Variants in LARP4 observed in about 807,000 individuals in gnomAD.
The protein encoded by LARP4 is la-related protein 4.
In LARP4, 29 loss-of-function variants were observed where a neutral mutation model predicts 92.9. That is an observed-to-expected ratio of 0.31 (90% CI 0.23 to 0.43). The LOEUF (loss-of-function observed/expected upper bound fraction) is 0.43, where lower values mean the gene tolerates loss of function less well. LARP4 is among the 20% of genes least tolerant of loss of function. LARP4 has a pLI of 1.00. For missense variants in LARP4, 732 were observed against 860.0 expected (o/e 0.85, Z 1.86); for synonymous variants, 279 against 284.1 (o/e 0.98, Z 0.18).
chr12:50,476,036 A>G lies in LARP4; in HGVS notation c.*172A>G, dbSNP rs1593521357. 2.0e-6 allele frequency: 1 copy of G among 504,994 alleles called. No individual in the cohort carries two copies. The highest frequency in any genetic ancestry group is 3.6e-6 in the Non-Finnish European group (1 of 281,050). 31.3% of individuals were successfully genotyped at this position (504,994 alleles called of 1,614,324 possible). A position where few individuals can be genotyped will look rare whatever the true frequency, so the allele number is the denominator to read the frequency against. ...TGATAGGATCCCAAAATTCATCTCT[A>G]ATGTGGTTTTTAAATGCTGGAGGAT... is the stretch of plus-strand genomic sequence containing the variant. On this transcript the variant is annotated 3_prime_UTR_variant, in exon 16 of 16. Coordinates refer to ENST00000398473, the MANE Select transcript of LARP4 (RefSeq NM_052879.5).
intron 1 of LARP4, among the ~76,000 whole-genome samples, chr12:50,402,474 A>G (rs1202808781): frequency 1.3e-5 from 2 of 152,192 alleles, no homozygotes; most frequent in Non-Finnish European, 2.9e-5. Context: ...TGCTATGTAA[A>G]TACCACAGGT....
intron 13 of LARP4, among the ~76,000 whole-genome samples, chr12:50,469,823 C>T (rs548447691): frequency 6.8e-5 from 10 of 148,054 alleles, no homozygotes; most frequent in African/African-American, 2.5e-4. Flanking sequence ...GCAGAAGAAT[C>T]GCTTGAACCC....
intron 1 of LARP4, among the ~76,000 whole-genome samples, chr12:50,417,694 A>C (rs1263348337): frequency 2.6e-5 from 4 of 152,164 alleles, no homozygotes; most frequent in Non-Finnish European, 5.9e-5. Context: ...ATTACTTATT[A>C]ATTAATAATT....
rs1957709127 is a variant in LARP4, at chr12:50,478,886, A to C, written c.*3022A>C. The C allele has an allele frequency of 6.6e-6, 1 of 152,128 alleles. No homozygotes were observed. Among genetic ancestry groups the C allele is most frequent in the Non-Finnish European group, 1.5e-5 (1 of 67,998 alleles). The allele number at this position is 152,128 out of a possible 1,614,324, so 9.4% of individuals were successfully genotyped here. A position where few individuals can be genotyped will look rare whatever the true frequency, so the allele number is the denominator to read the frequency against. On this transcript the variant is annotated 3_prime_UTR_variant, in exon 16 of 16. Coordinates refer to ENST00000398473, the MANE Select transcript of LARP4 (RefSeq NM_052879.5). ...AGGAATATAAGAGCTTTCAATGATA[A>C]AGGTTTGTTGTAGTTGTCTTATGTG...
At chr12:50,433,858 T>C (rs1450676315) in intron 4 of LARP4, among the ~76,000 whole-genome samples, 1 of 152,100 alleles carries the variant, frequency 6.6e-6, no homozygotes, top group African/African-American at 2.4e-5. Flanking sequence ...TAGGCTAATC[T>C]CAAACTCCTG....
intron 1 of LARP4, among the ~76,000 whole-genome samples, chr12:50,421,780 C>G (rs559430503): frequency 1.3e-5 from 2 of 152,244 alleles, no homozygotes; most frequent in African/African-American, 4.8e-5. Context: ...TTAGGTACTT[C>G]TTGCAATTGT....
chr12:50,401,118 C>T, intron 1 of LARP4, 90 bp downstream of exon 1: 1 of 1,456,468 alleles, frequency 6.9e-7, no homozygotes, highest in East Asian at 2.3e-5. Context: ...ACTTTCCGGG[C>T]CGTACACGCC....
At chr12:50,420,127 A>G (rs1008848599) in intron 1 of LARP4, among the ~76,000 whole-genome samples, 3 of 152,212 alleles carry the variant, frequency 2.0e-5, no homozygotes, top group Admixed American at 1.3e-4. Context: ...AAGAAAAAAG[A>G]TGATCCAGAA....
chr12:50,457,016 A>C (rs897863716), intron 10 of LARP4, among the ~76,000 whole-genome samples: 7 of 151,984 alleles, frequency 4.6e-5, no homozygotes, highest in African/African-American at 1.7e-4. Flanking sequence ...GAGTTCAAGC[A>C]ATTCTCTGGC....
intron 8 of LARP4, among the ~76,000 whole-genome samples, chr12:50,443,355 C>T (rs964995866): frequency 2.6e-4 from 40 of 152,074 alleles, no homozygotes; most frequent in African/African-American, 9.2e-4. Flanking sequence ...ACTGCTGCCT[C>T]GACCTCTCAG....
chr12:50,469,262 T>A (rs1365362934), intron 13 of LARP4, among the ~76,000 whole-genome samples: 1 of 152,140 alleles, frequency 6.6e-6, no homozygotes, highest in East Asian at 1.9e-4. Flanking sequence ...GATACACTTT[T>A]TTCCCCCCAT....
chr12:50,421,321 T>G (rs1947751586), intron 1 of LARP4: 1 of 972,730 alleles, frequency 1.0e-6, no homozygotes, highest in African/African-American at 1.8e-5. Flanking sequence ...AAGTTTCATA[T>G]TTTTTTATGA....
At chr12:50,466,871 T>C in intron 12 of LARP4, 88 bp from the exon 13 acceptor site, 1 of 1,313,626 alleles carries the variant, frequency 7.6e-7, no homozygotes, top group South Asian at 1.5e-5. Context: ...TTTGCTTCTT[T>C]TTCTTTTCTT....
rs1305401614 is a variant in LARP4, at chr12:50,461,305, C to G, written c.1292C>G (p.Ser431Cys). 6.2e-7 allele frequency: 1 copy of G among 1,613,908 alleles called. No homozygotes were observed. Among genetic ancestry groups the G allele is most frequent in the Non-Finnish European group, 8.5e-7 (1 of 1,180,024 alleles). ...QEQTYLQKET[S>C]TLQVEQNGDY... ...CAAACTTACCTTCAGAAGGAGACTT[C>G]CACTTTGCAGGTGGAACAGAATGGG... The change falls in exon 11 of 16, where the codon TCC (serine) becomes TGC (cysteine). Residue 431 changes from serine to cysteine, a missense_variant. Ser to Cys is a moderately radical substitution (Grantham distance 112, BLOSUM62 -1). Around this residue, in one of 7 missense-constraint regions of LARP4, gnomAD observed 264 missense variants for 269.5 expected, o/e 0.98. Transcript: ENST00000398473.
rs1464652219 is a variant in LARP4 at position 50,476,695 on chromosome 12, A to G, written c.*831A>G. On this transcript the variant is annotated 3_prime_UTR_variant, in exon 16 of 16. Transcript: ENST00000398473. The stretch of plus-strand genomic sequence containing the variant: ...AAACTTCCCTGTGATTCCCCCGAAT[A>G]CCCCCAAAATGAGAAACAAAATTTT... 6.6e-6 allele frequency: 1 copy of G among 152,008 alleles called. No individual in the cohort carries two copies. The highest frequency in any genetic ancestry group is 1.5e-5 in the Non-Finnish European group (1 of 67,928). The allele number at this position is 152,008 out of a possible 1,614,324, so 9.4% of individuals were successfully genotyped here.
At chr12:50,461,534 A>G (rs1442050006) in intron 11 of LARP4, 187 bp downstream of exon 11, 2 of 609,696 alleles carry the variant, frequency 3.3e-6, no homozygotes, top group East Asian at 3.1e-5. Context: ...GAGTGCCCAT[A>G]CAGAATATAG....
At chr12:50,419,071 G>A (rs778583898) in intron 1 of LARP4, among the ~76,000 whole-genome samples, 2 of 152,076 alleles carry the variant, frequency 1.3e-5, no homozygotes, top group Admixed American at 6.6e-5. Context: ...TGGTAAAAAA[G>A]CAAATGAGGC....
At chr12:50,434,411 C>CTTTTTTTTTTTTTTTT (rs1292182964) in intron 4 of LARP4, among the ~76,000 whole-genome samples, 1 of 136,986 alleles carries the variant, frequency 7.3e-6, no homozygotes, top group African/African-American at 2.7e-5. Flanking sequence ...TTTTATTTTT[C>CTTTTTTTTTTTTTTTT]TTTTTTTTTT....
intron 12 of LARP4, among the ~76,000 whole-genome samples, chr12:50,466,430 G>A (rs1021180581): frequency 3.3e-5 from 5 of 152,038 alleles, no homozygotes; most frequent in African/African-American, 7.3e-5. Context: ...CCTGGGCAAC[G>A]TAGTGAAACC....
Sources: allele counts gnomAD v4.1 joint callset (sites outside exome capture counted in the v4.1 genomes callset), GRCh38; gene constraint gnomAD v4.1.1; regional missense constraint gnomAD v4.1.1; transcripts MANE v1.5; gene names NCBI Gene and HGNC (gene_info 2026-07-23, HGNC 2026-07-21).